The following ZFR2 variants were observed in gnomAD, a reference collection of about 807,000 sequenced individuals.
The protein encoded by ZFR2 is zinc finger RNA binding protein 2.
ZFR2 carries 104 observed loss-of-function variants against 105.7 expected under a neutral mutation model. The observed-to-expected ratio is 0.98, with a 90% confidence interval of 0.84 to 1.16. ZFR2 has a LOEUF of 1.16. Ranked by LOEUF, ZFR2 falls within the 50% of genes most tolerant of loss-of-function variation. The pLI is 0.00. For missense variants in ZFR2, 1,425 were observed against 1,355.5 expected (o/e 1.05, Z -0.80); for synonymous variants, 634 against 597.7 (o/e 1.06, Z -0.89).
chr19:3,836,716 C>T (rs1599240728), intron 1 of ZFR2, among the ~76,000 whole-genome samples: 2 of 152,324 alleles, frequency 1.3e-5, no homozygotes, highest in South Asian at 4.1e-4. Flanking sequence ...GGCACCATCG[C>T]TCCCCACGGT....
intron 1 of ZFR2, among the ~76,000 whole-genome samples, chr19:3,850,085 T>C (rs1397089846): frequency 2.0e-5 from 3 of 152,062 alleles, no homozygotes; most frequent in Non-Finnish European, 4.4e-5. Flanking sequence ...ATGGCAGGAA[T>C]GGAGTGCCTC....
In ZFR2 at chr19:3,831,898, C is replaced by A. The variant is rs768625055; in HGVS notation, c.380-20G>T. On this transcript the variant is annotated intron_variant, in intron 3 of 18. Transcript: ENST00000262961. ...GGGTCCCTAGGGGACAGGGACAGGC[C>A]CTCTGCAGAGCCAACCCCCACCCCA... 1.3e-6 allele frequency: 2 copies of A among 1,523,258 alleles called. No homozygotes were observed. The highest frequency in any genetic ancestry group is 1.4e-5 in the African/African-American group (1 of 72,804). The allele number at this position is 1,523,258 out of a possible 1,614,324, so 94.4% of individuals were successfully genotyped here.
chr19:3,806,159 C>T, intron 18 of ZFR2, 34 bp from the exon 19 acceptor site: 2 of 1,401,016 alleles, frequency 1.4e-6, no homozygotes, highest in Non-Finnish European at 1.9e-6. Context: ...AGGACCCCCG[C>T]CCGCTCTGCT....
intron 7 of ZFR2, 64 bp downstream of exon 7, chr19:3,825,166 C>T (rs866330181): frequency 1.0e-5 from 14 of 1,395,208 alleles, no homozygotes; most frequent in African/African-American, 1.5e-5. Context: ...GATTTTCTCA[C>T]GAAACTTTCA....
At chr19:3,811,248 CT>C in intron 15 of ZFR2, 23 bp downstream of exon 15, 1 of 1,540,914 alleles carries the variant, frequency 6.5e-7, no homozygotes, top group Non-Finnish European at 8.7e-7. Context: ...CCCTCTCCCC[CT>C]GCTCCACCCC....
rs750225352 is a variant in ZFR2 at position 3,831,530 on chromosome 19, A to G, written c.625T>C (p.Ser209Pro). 1.3e-6 allele frequency: 2 copies of G among 1,560,284 alleles called. No individual in the cohort carries two copies. The highest frequency in any genetic ancestry group is 1.7e-6 in the Non-Finnish European group (2 of 1,152,788). The change falls in exon 5 of 19, where the codon TCG (serine) becomes CCG (proline). Residue 209 changes from serine to proline, a missense_variant. Coordinates refer to ENST00000262961, the MANE Select transcript of ZFR2 (RefSeq NM_015174.2). ...AAAGGGCTGGCAGCGGAGTACACCGACGCGTCATAGTTCGGGTAGCTTGGT... is the reference window on the plus strand; with the variant it reads ...AAAGGGCTGGCAGCGGAGTACACCGGCGCGTCATAGTTCGGGTAGCTTGGT... Reference protein sequence around the residue: ...TAPSYPNYDASVYSAASPFYP... With the variant: ...TAPSYPNYDAPVYSAASPFYP...
chr19:3,826,020 T>C (rs1245670184), intron 6 of ZFR2, among the ~76,000 whole-genome samples: 2 of 152,152 alleles, frequency 1.3e-5, no homozygotes, highest in South Asian at 2.1e-4. Flanking sequence ...AGACCTGCCC[T>C]GTACCCCCCA....
intron 6 of ZFR2, among the ~76,000 whole-genome samples, chr19:3,825,790 G>A (rs575209882): frequency 3.2e-4 from 48 of 150,022 alleles, no homozygotes; most frequent in African/African-American, 1.1e-3. Flanking sequence ...ATGTGTGGAT[G>A]GATGGTGGGT....
chr19:3,819,113 G>T lies in ZFR2; in HGVS notation c.1863C>A (p.Leu621=). Residue 621 remains leucine, a synonymous_variant, in exon 12 of 19, where the codon CTC becomes CTA. Transcript: ENST00000262961. ...QRAVSHAERA[L]KLVSDTLAEE... ...CGGCCAGTGTGTCGGACACCAGCTT[G>T]AGGGCCCGCTCTGCGTGGGACACGG... The T allele has an allele frequency of 1.2e-6, 2 of 1,612,146 alleles. No individual in the cohort carries two copies.
intron 1 of ZFR2, among the ~76,000 whole-genome samples, chr19:3,867,166 C>T (rs1472412867): frequency 6.6e-6 from 1 of 152,176 alleles, no homozygotes; most frequent in Non-Finnish European, 1.5e-5. Context: ...CCCCTGAGCT[C>T]AGCAGAGGCC....
Position 3,808,855 on chromosome 19 carries a change from C to T in ZFR2, c.2545+17G>A, listed in dbSNP as rs1400583323. ...ATTTGCCGCCCACCTCCTGGGCCCT[C>T]CGGCCCAGCGACTGACCTGTCAGGA... On this transcript the variant is annotated intron_variant, in intron 17 of 18. Transcript: ENST00000262961. The T allele has an allele frequency of 2.0e-6, 3 of 1,534,384 alleles. No individual in the cohort carries two copies. Among genetic ancestry groups the T allele is most frequent in the East Asian group, 2.5e-5 (1 of 40,766 alleles).
In ZFR2 at chr19:3,813,338, C is replaced by A. The variant is rs2037789341; in HGVS notation, c.2242+482G>T. On this transcript the variant is annotated intron_variant, in intron 14 of 18. Coordinates refer to ENST00000262961, the MANE Select transcript of ZFR2 (RefSeq NM_015174.2). This position sits in a 1 kb window ranked among gnomAD's most constrained non-coding sequence, Gnocchi z 4.4. ...CTGCCCCTAGCCTGGCCCGGCCCCTCACCCACCCTCCCAGGCCTGGCAGGT... is the reference window on the plus strand; with the variant it reads ...CTGCCCCTAGCCTGGCCCGGCCCCTAACCCACCCTCCCAGGCCTGGCAGGT... Among the ~76,000 whole-genome samples the A allele has an allele frequency of 6.6e-6, 1 of 152,178 alleles. No homozygotes were observed. The highest frequency in any genetic ancestry group is 2.4e-5 in the African/African-American group (1 of 41,440).
chr19:3,815,947 G>A (rs2037820960), intron 13 of ZFR2, among the ~76,000 whole-genome samples: 1 of 151,810 alleles, frequency 6.6e-6, no homozygotes, highest in Admixed American at 6.6e-5. Flanking sequence ...AGTAGAGACG[G>A]GGTTTCACCG....
At chr19:3,811,535 A>G (rs1599220155) in intron 14 of ZFR2, among the ~76,000 whole-genome samples, 169 bp from the exon 15 acceptor site, 1 of 151,392 alleles carries the variant, frequency 6.6e-6, no homozygotes, top group Admixed American at 6.6e-5. Flanking sequence ...GCTCACTGCA[A>G]CCTCTGTCTC....
chr19:3,817,420 A>ATGG (rs2037836922), intron 12 of ZFR2, among the ~76,000 whole-genome samples: 1 of 151,774 alleles, frequency 6.6e-6, no homozygotes, highest in Non-Finnish European at 1.5e-5. Flanking sequence ...TTAGCCAGGC[A>ATGG]TGGTGGCGGG....
chr19:3,831,586 G>C, intron 4 of ZFR2, 30 bp from the exon 5 acceptor site: 1 of 1,541,258 alleles, frequency 6.5e-7, no homozygotes, highest in Non-Finnish European at 8.8e-7. Flanking sequence ...ATGAGTCGGG[G>C]GGAGATGCTG....
chr19:3,819,445 C>T (rs1359730705), intron 11 of ZFR2, among the ~76,000 whole-genome samples: 1 of 152,156 alleles, frequency 6.6e-6, no homozygotes, highest in Non-Finnish European at 1.5e-5. Flanking sequence ...AAGCTCGGGT[C>T]TGAGTGAAGG....
rs533207789 is a variant in ZFR2, at chr19:3,808,051, G to A, written c.2546-782C>T. 1.8e-4 allele frequency among the ~76,000 whole-genome samples: 25 copies of A among 141,476 alleles called. No homozygotes were observed. In the East Asian group the frequency reaches 2.9e-3, roughly 16 times the overall value. 92.8% of individuals were successfully genotyped at this position (141,476 alleles called of 152,430 possible). On this transcript the variant is annotated intron_variant, in intron 17 of 18. Coordinates refer to ENST00000262961, the MANE Select transcript of ZFR2 (RefSeq NM_015174.2). ...CACTCATGTCCTTGTGTGCCCGTGC[G>A]TGTGCGTGCATGTGTGCCCGTGTGT...
intron 18 of ZFR2, 76 bp from the exon 19 acceptor site, chr19:3,806,201 G>A (rs1481845486): frequency 1.5e-6 from 2 of 1,375,300 alleles, no homozygotes; most frequent in Non-Finnish European, 1.9e-6. Flanking sequence ...AGGGGCTGGT[G>A]TCTGTGGCCA....
Sources: allele counts gnomAD v4.1 joint callset (sites outside exome capture counted in the v4.1 genomes callset), GRCh38; gene constraint gnomAD v4.1.1; non-coding constraint Gnocchi (gnomAD v3.1); transcripts MANE v1.5; gene names NCBI Gene and HGNC (gene_info 2026-07-23, HGNC 2026-07-21).